RYR2: variants seen among roughly 807,000 people sequenced by gnomAD.
RYR2 encodes cardiac muscle ryanodine receptor-calcium release channel.
RYR2 carries 227 observed loss-of-function variants against 601.1 expected under a neutral mutation model. The observed-to-expected ratio is 0.38, with a 90% CI of 0.34 to 0.42. The LOEUF (loss-of-function observed/expected upper bound fraction) is 0.42, where lower values mean the gene tolerates loss of function less well. Ranked by LOEUF, RYR2 falls within the 10% of genes least tolerant of loss-of-function variation. The pLI is 1.00. For synonymous variants in RYR2, 2,223 were observed against 2,175.1 expected, an observed-to-expected ratio of 1.02 and a Z score of -0.61; for missense variants, 4,646 against 6,156.5, an observed-to-expected ratio of 0.75 and a Z score of 8.21.
chr1:237,759,505 C>G (rs1693235150), intron 82 of RYR2, among the ~76,000 whole-genome samples: 1 of 152,112 alleles, frequency 6.6e-6, no homozygotes, highest in South Asian at 2.1e-4. Flanking sequence ...TTAAGAGTGA[C>G]CAGGAGAGAA....
At chr1:237,415,543 A>G (rs1042586430) in intron 10 of RYR2, among the ~76,000 whole-genome samples, 23 of 152,172 alleles carry the variant, frequency 1.5e-4, no homozygotes, top group African/African-American at 5.5e-4. Flanking sequence ...AAGCTTCTAG[A>G]TTTCTAGATC....
chr1:237,526,517 T>C (rs370943935), intron 24 of RYR2, among the ~76,000 whole-genome samples: 21 of 152,178 alleles, frequency 1.4e-4, no homozygotes, highest in African/African-American at 4.3e-4. Flanking sequence ...TGATTAAACT[T>C]TGAATTATGT....
chr1:237,059,666 G>A (rs973306983), intron 1 of RYR2, among the ~76,000 whole-genome samples: 6 of 152,078 alleles, frequency 3.9e-5, no homozygotes, highest in Non-Finnish European at 7.4e-5. Context: ...GGAGACTAAG[G>A]CCATGTATTT....
intron 1 of RYR2, among the ~76,000 whole-genome samples, chr1:237,194,057 G>A (rs1680296284): frequency 6.6e-6 from 1 of 152,202 alleles, no homozygotes; most frequent in South Asian, 2.1e-4. Flanking sequence ...ACTTGGAAAG[G>A]AATTTTGCTT....
At chr1:237,323,385 T>C (rs866542316) in intron 2 of RYR2, among the ~76,000 whole-genome samples, 10 of 152,178 alleles carry the variant, frequency 6.6e-5, no homozygotes, top group African/African-American at 2.2e-4. Flanking sequence ...GGTAATTGTA[T>C]GCACATCAAC....
chr1:237,520,616 G>C (rs182574047), intron 24 of RYR2, among the ~76,000 whole-genome samples: 17 of 152,236 alleles, frequency 1.1e-4, no homozygotes, highest in Non-Finnish European at 1.8e-4. Context: ...TTATTGATTT[G>C]CAGATGTTGA....
chr1:237,178,429 TG>T (rs2148938942), intron 1 of RYR2, among the ~76,000 whole-genome samples: 1 of 134,068 alleles, frequency 7.5e-6, no homozygotes, highest in African/African-American at 3.4e-5. Flanking sequence ...TGTGTGTGTG[TG>T]TGTGTGTGTG....
chr1:237,334,061 A>G (rs1697012782), intron 3 of RYR2, among the ~76,000 whole-genome samples: 1 of 152,208 alleles, frequency 6.6e-6, no homozygotes, highest in South Asian at 2.1e-4. Flanking sequence ...AAAATGTTAT[A>G]TGCACATAGC....
chr1:237,649,950 C>A lies in RYR2; in HGVS notation c.7586C>A (p.Thr2529Lys). 6.2e-7 allele frequency: 1 copy of A among 1,613,922 alleles called. No individual in the cohort carries two copies. The highest frequency in any genetic ancestry group is 8.5e-7 in the Non-Finnish European group (1 of 1,179,862). Residue 2529 changes from threonine to lysine, a missense_variant, in exon 50 of 105, where the codon ACA becomes AAA. Around this residue, in one of 17 missense-constraint regions of RYR2, gnomAD observed 1,497 missense variants for 1,842.6 expected, o/e 0.81. Transcript: ENST00000366574. ...TGCACAGCCGTCTTGCCATTGTTAA[C>A]AAGATGTGCTCCTCTCTTTGCTGGC... Reference protein sequence around the residue: ...YLCTAVLPLLTRCAPLFAGTE... With the variant: ...YLCTAVLPLLKRCAPLFAGTE...
Position 237,575,795 on chromosome 1 carries a change from A to G in RYR2, c.3598+6476A>G, listed in dbSNP as rs145896864. 9.4e-4 allele frequency among the ~76,000 whole-genome samples: 143 copies of G among 152,330 alleles called. 3 individuals are homozygous for G. The East Asian group carries it at 0.025, about 26-fold the overall frequency. Reference sequence around the variant, plus strand: ...CTAAATTGTTTTTCAAACTTGTAATATGACAAGAAAAAGAAATTGGAGATG... The same window carrying G: ...CTAAATTGTTTTTCAAACTTGTAATGTGACAAGAAAAAGAAATTGGAGATG... On this transcript the variant is annotated intron_variant, in intron 29 of 104. Transcript: ENST00000366574.
intron 1 of RYR2, among the ~76,000 whole-genome samples, chr1:237,088,595 CTA>C (rs1666617212): frequency 6.6e-6 from 1 of 152,186 alleles, no homozygotes; most frequent in African/African-American, 2.4e-5. Context: ...GTTTGCTAAT[CTA>C]TGATTTATCA....
chr1:237,321,550 T>C (rs562683602), intron 2 of RYR2, among the ~76,000 whole-genome samples: 1 of 152,280 alleles, frequency 6.6e-6, no homozygotes, highest in Non-Finnish European at 1.5e-5. Flanking sequence ...CATTGAGTGA[T>C]AACAGACCAG....
rs1033940820 is a variant in RYR2, at chr1:237,098,906, C to T, written c.48+56337C>T. ...AGAGCAGACTGTGCAAAATATTCAG[C>T]GAGGAGCTGAGACGGTCTCTTCCCC... On this transcript the variant is annotated intron_variant, in intron 1 of 104. Coordinates refer to ENST00000366574, the MANE Select transcript of RYR2 (RefSeq NM_001035.3). Among the ~76,000 whole-genome samples, 3 of 151,822 alleles carry T rather than the reference C, an allele frequency of 2.0e-5. No homozygotes were observed. The East Asian group carries it at 5.9e-4, about 30-fold the overall frequency.
intron 4 of RYR2, among the ~76,000 whole-genome samples, chr1:237,358,612 T>C (rs1258222053): frequency 6.6e-6 from 1 of 152,016 alleles, no homozygotes; most frequent in Non-Finnish European, 1.5e-5. Context: ...GGCAATTCCT[T>C]ACTCTTCCTG....
chr1:237,638,217 T>C (rs1204451919), intron 44 of RYR2, 140 bp from the exon 45 acceptor site: 4 of 983,202 alleles, frequency 4.1e-6, no homozygotes, highest in Non-Finnish European at 4.5e-6. Context: ...TTCAAGTAGA[T>C]TATCATGAGA....
intron 1 of RYR2, among the ~76,000 whole-genome samples, chr1:237,132,910 A>G (rs1428260533): frequency 2.0e-5 from 3 of 152,122 alleles, no homozygotes. Flanking sequence ...CACTGGTCCC[A>G]CTTAATGCAG....
At chr1:237,208,286 G>A (rs1176052779) in intron 1 of RYR2, among the ~76,000 whole-genome samples, 3 of 152,188 alleles carry the variant, frequency 2.0e-5, no homozygotes, top group Non-Finnish European at 4.4e-5. Flanking sequence ...CTTGACAATA[G>A]GGATGATTTT....
chr1:237,292,979 GA>G (rs375839228), intron 2 of RYR2, among the ~76,000 whole-genome samples: 56 of 144,106 alleles, frequency 3.9e-4, no homozygotes, highest in East Asian at 8.1e-4. Flanking sequence ...GAGTTCTGAT[GA>G]AAAAAAAAAA....
chr1:237,151,496 C>T (rs1674702598), intron 1 of RYR2, among the ~76,000 whole-genome samples: 1 of 152,134 alleles, frequency 6.6e-6, no homozygotes. Flanking sequence ...AAAAACTGAG[C>T]TGTAAGCAGG....
Sources: allele counts gnomAD v4.1 joint callset (sites outside exome capture counted in the v4.1 genomes callset), GRCh38; gene constraint gnomAD v4.1.1; regional missense constraint gnomAD v4.1.1; transcripts MANE v1.5; gene names NCBI Gene and HGNC (gene_info 2026-07-23, HGNC 2026-07-21).